Variants in FILIP1L observed in about 807,000 individuals in gnomAD.
The protein encoded by FILIP1L is filamin A-interacting protein 1-like.
A neutral mutation model predicts 96.6 loss-of-function variants in FILIP1L; 55 were observed. That is an observed-to-expected ratio of 0.57 (90% CI 0.46 to 0.71). The LOEUF is 0.71. Among genes scored for constraint, FILIP1L ranks in the 30% least tolerant of loss-of-function variants. The pLI is 0.00. For missense variants in FILIP1L, 1,304 were observed against 1,321.2 expected (o/e 0.99, Z 0.20); for synonymous variants, 467 against 473.9 (o/e 0.99, Z 0.19).
At chr3:99,920,730 T>G (rs1006557602) in intron 4 of FILIP1L, among the ~76,000 whole-genome samples, 5 of 152,214 alleles carry the variant, frequency 3.3e-5, no homozygotes, top group Non-Finnish European at 7.4e-5. Flanking sequence ...GGCAAACATT[T>G]TGGCCTGAGC....
intron 4 of FILIP1L, among the ~76,000 whole-genome samples, chr3:99,865,379 C>G (rs2107566872): frequency 6.6e-6 from 1 of 152,250 alleles, no homozygotes; most frequent in Non-Finnish European, 1.5e-5. Context: ...ATGAGCCATC[C>G]TCTCCAGTGA....
intron 1 of FILIP1L, among the ~76,000 whole-genome samples, chr3:100,024,706 T>C (rs895905698): frequency 6.6e-6 from 1 of 152,172 alleles, no homozygotes; most frequent in South Asian, 2.1e-4. Context: ...TTATTCAGCA[T>C]GTGTGGGCTC....
intron 4 of FILIP1L, among the ~76,000 whole-genome samples, chr3:99,877,090 T>G (rs1399317592): frequency 6.6e-6 from 1 of 152,218 alleles, no homozygotes; most frequent in African/African-American, 2.4e-5. Flanking sequence ...CTACTTCTTG[T>G]GAATGAGAAT....
intron 1 of FILIP1L, among the ~76,000 whole-genome samples, chr3:100,070,351 CTGTT>C (rs914015290): frequency 3.9e-5 from 6 of 152,010 alleles, no homozygotes; most frequent in South Asian, 4.1e-4. Flanking sequence ...TCTGAAATGA[CTGTT>C]TGATCTCTTC....
intron 1 of FILIP1L, among the ~76,000 whole-genome samples, chr3:99,957,098 A>G (rs2107696462): frequency 6.6e-6 from 1 of 152,358 alleles, no homozygotes; most frequent in Non-Finnish European, 1.5e-5. Context: ...GAATAAAAAT[A>G]CTTGTGTTTA....
At chr3:100,041,210 C>CT (rs1430684562) in intron 1 of FILIP1L, 1 of 152,090 alleles carries the variant, frequency 6.6e-6, no homozygotes, top group Admixed American at 6.6e-5. Flanking sequence ...TTCAAACAAG[C>CT]TATGGAATCT....
chr3:100,066,884 A>G (rs1246461009), intron 1 of FILIP1L, among the ~76,000 whole-genome samples: 1 of 152,062 alleles, frequency 6.6e-6, no homozygotes, highest in East Asian at 1.9e-4. Context: ...AAAGATTTTT[A>G]CTTGACCATA....
chr3:99,951,672 G>T (rs1392323429), intron 1 of FILIP1L, among the ~76,000 whole-genome samples: 1 of 152,126 alleles, frequency 6.6e-6, no homozygotes, highest in Non-Finnish European at 1.5e-5. Context: ...GTTGGGCTTG[G>T]CCACCTTATG....
At chr3:99,880,499 A>G (rs555754909) in intron 4 of FILIP1L, among the ~76,000 whole-genome samples, 62 of 152,246 alleles carry the variant, frequency 4.1e-4, no homozygotes, top group African/African-American at 1.3e-3. Context: ...AAGGCTTCCA[A>G]TTATTCTGCT....
intron 1 of FILIP1L, among the ~76,000 whole-genome samples, chr3:100,071,834 T>C (rs1364096867): frequency 6.6e-6 from 1 of 152,200 alleles, no homozygotes; most frequent in Non-Finnish European, 1.5e-5. Context: ...CTTACACTTA[T>C]TGGGCACCCA....
At chr3:100,064,912 A>T (rs2065637623) in intron 1 of FILIP1L, among the ~76,000 whole-genome samples, 1 of 152,220 alleles carries the variant, frequency 6.6e-6, no homozygotes, top group Non-Finnish European at 1.5e-5. Flanking sequence ...GGGGACTAAC[A>T]AACATGTATT....
Position 99,849,547 on chromosome 3 carries a change from G to GCTT in FILIP1L, c.2126_2128dup (p.Glu709dup), listed in dbSNP as rs749900665. 25 of 1,613,184 alleles carry GCTT rather than the reference G, an allele frequency of 1.5e-5. No homozygotes were observed. Among genetic ancestry groups the GCTT allele is most frequent in the Non-Finnish European group, 1.9e-5 (23 of 1,179,892 alleles). On this transcript the variant is annotated inframe_insertion, in exon 5 of 6. Transcript: ENST00000477258. ...TTCTCTTGAGAGGTGCCCTGACTTA[G>GCTT]CTTCTTCTTCTTGAAGCCTTTTGAA... is the stretch of plus-strand genomic sequence containing the variant.
chr3:99,872,075 A>G (rs1323362667), intron 4 of FILIP1L, among the ~76,000 whole-genome samples: 1 of 151,916 alleles, frequency 6.6e-6, no homozygotes, highest in Non-Finnish European at 1.5e-5. Context: ...TCTTCCTAGC[A>G]CTAATTAAGG....
At chr3:100,007,481 A>G (rs1462284940) in intron 1 of FILIP1L, among the ~76,000 whole-genome samples, 2 of 152,176 alleles carry the variant, frequency 1.3e-5, no homozygotes, top group African/African-American at 4.8e-5. Context: ...AATGAGAGAA[A>G]TCAAATCATG....
At chr3:99,887,268 A>C (rs75990716) in intron 4 of FILIP1L, among the ~76,000 whole-genome samples, 1 of 144,482 alleles carries the variant, frequency 6.9e-6, no homozygotes, top group Non-Finnish European at 1.5e-5. Flanking sequence ...ACTCCATCTC[A>C]AAAAAAAAAA....
intron 4 of FILIP1L, chr3:99,876,257 G>C (rs2107595225): frequency 6.1e-6 from 6 of 981,180 alleles, no homozygotes; most frequent in Non-Finnish European, 7.3e-6. Flanking sequence ...CGGCGCTGTC[G>C]GCGGGGGCGC....
intron 1 of FILIP1L, among the ~76,000 whole-genome samples, chr3:100,106,175 G>A (rs1243752213): frequency 6.6e-6 from 1 of 152,148 alleles, no homozygotes; most frequent in Non-Finnish European, 1.5e-5. Flanking sequence ...ATCAGAAGAG[G>A]TTGACTTATC....
At chr3:100,112,949 A>T (rs150320114) in intron 1 of FILIP1L, among the ~76,000 whole-genome samples, 7 of 152,344 alleles carry the variant, frequency 4.6e-5, no homozygotes, top group Non-Finnish European at 8.8e-5. Context: ...CATCACAGGA[A>T]AAACAAGTTT....
intron 1 of FILIP1L, among the ~76,000 whole-genome samples, chr3:99,983,886 A>G (rs550467081): frequency 6.6e-5 from 10 of 152,304 alleles, no homozygotes; most frequent in African/African-American, 2.2e-4. Flanking sequence ...AAGAAGTAAC[A>G]GCACAGATTT....
Sources: allele counts gnomAD v4.1 joint callset (sites outside exome capture counted in the v4.1 genomes callset), GRCh38; gene constraint gnomAD v4.1.1; transcripts MANE v1.5; gene names NCBI Gene and HGNC (gene_info 2026-07-23, HGNC 2026-07-21).